Variants in EYS observed in about 807,000 individuals in gnomAD.
EYS encodes protein eyes shut homolog.
Under a neutral mutation model 282.1 loss-of-function variants are expected in EYS, and 250 were observed. The ratio of observed to expected loss-of-function variants is 0.89; its 90% CI spans 0.80 to 0.98. EYS has a LOEUF of 0.98. Ranked by LOEUF, EYS falls within the 50% of genes least tolerant of loss-of-function variation. EYS has a pLI of 0.00. For synonymous variants in EYS, 1,355 were observed against 1,282.9 expected (o/e 1.06, Z -1.20); for missense variants, 4,016 against 3,709.0 (o/e 1.08, Z -2.15).
chr6:64,344,126 G>A (rs1378719327), intron 29 of EYS, among the ~76,000 whole-genome samples: 1 of 152,114 alleles, frequency 6.6e-6, no homozygotes, highest in Admixed American at 6.5e-5. Context: ...TCTACCAGAG[G>A]TATAAGGAGG....
intron 1 of EYS, among the ~76,000 whole-genome samples, chr6:65,677,899 T>C (rs1240731511): frequency 6.6e-6 from 1 of 152,040 alleles, no homozygotes; most frequent in East Asian, 1.9e-4. Context: ...GCACATATAG[T>C]CAACTGATCT....
chr6:65,400,427 C>T (rs1353478541), intron 7 of EYS, among the ~76,000 whole-genome samples: 4 of 151,826 alleles, frequency 2.6e-5, no homozygotes, highest in South Asian at 2.1e-4. Flanking sequence ...TTTTCCTTTC[C>T]TATCAGACTC....
chr6:64,269,611 G>A (rs1767873801), intron 30 of EYS, among the ~76,000 whole-genome samples: 2 of 151,870 alleles, frequency 1.3e-5, no homozygotes, highest in African/African-American at 4.8e-5. Context: ...TTAGCAAATT[G>A]ATACATTAGA....
intron 36 of EYS, among the ~76,000 whole-genome samples, chr6:63,849,828 A>G (rs1038786804): frequency 5.9e-5 from 9 of 152,182 alleles, no homozygotes; most frequent in Admixed American, 2.6e-4. Context: ...AGAATGAGTT[A>G]CACAAATGGA....
At chr6:64,481,317 A>G (rs1776431180) in intron 26 of EYS, among the ~76,000 whole-genome samples, 1 of 149,018 alleles carries the variant, frequency 6.7e-6, no homozygotes, top group African/African-American at 2.4e-5. Flanking sequence ...GCATAGAAAA[A>G]GCATTTTCAG....
At chr6:65,688,315 A>C (rs946112122) in intron 1 of EYS, among the ~76,000 whole-genome samples, 1 of 150,462 alleles carries the variant, frequency 6.6e-6, no homozygotes, top group African/African-American at 2.4e-5. Context: ...CAAGGCTGAC[A>C]AAAACAAGAA....
chr6:64,606,674 A>G (rs907796013), intron 24 of EYS, among the ~76,000 whole-genome samples: 1 of 152,070 alleles, frequency 6.6e-6, no homozygotes, highest in African/African-American at 2.4e-5. Context: ...CTGTGGCAAT[A>G]CATATTTTCT....
intron 22 of EYS, among the ~76,000 whole-genome samples, chr6:64,749,849 G>T (rs1056451520): frequency 5.9e-5 from 9 of 151,966 alleles, no homozygotes; most frequent in African/African-American, 2.2e-4. Context: ...TTGAGTAACT[G>T]CTGGCATTTA....
rs140984730 is a variant in EYS, at chr6:65,377,106, T to C, written c.1299+7280A>G. Among the ~76,000 whole-genome samples, 991 of 152,140 alleles carry C rather than the reference T, an allele frequency of 6.5e-3. 18 individuals are homozygous for C. The highest frequency in any genetic ancestry group is 0.022 in the African/African-American group (925 of 41,504). ...GCATCACATAGCACTTACTCTAAAATCAACCACATAATTGGAAGTAAAACA... is the reference window on the plus strand; with the variant it reads ...GCATCACATAGCACTTACTCTAAAACCAACCACATAATTGGAAGTAAAACA... On this transcript the variant is annotated intron_variant, in intron 8 of 42. Transcript: ENST00000503581.
intron 11 of EYS, among the ~76,000 whole-genome samples, chr6:65,324,218 C>A (rs1449826891): frequency 2.0e-5 from 3 of 152,116 alleles, no homozygotes; most frequent in African/African-American, 4.8e-5. Context: ...TACCACCTGG[C>A]TTTTATTTGT....
intron 28 of EYS, among the ~76,000 whole-genome samples, chr6:64,393,114 G>A (rs1773215943): frequency 6.6e-6 from 1 of 152,114 alleles, no homozygotes; most frequent in South Asian, 2.1e-4. Context: ...ACCAATAGCA[G>A]GATCTGAAAT....
chr6:64,043,546 G>A (rs184842209), intron 33 of EYS, among the ~76,000 whole-genome samples: 28 of 152,282 alleles, frequency 1.8e-4, no homozygotes, highest in African/African-American at 4.1e-4. Context: ...GAGTCCTCTC[G>A]AACACCTAGA....
At chr6:64,674,999 G>T (rs1009263422) in intron 22 of EYS, among the ~76,000 whole-genome samples, 1 of 152,068 alleles carries the variant, frequency 6.6e-6, no homozygotes. Context: ...TGCTGAAATT[G>T]TCAATAACCC....
intron 13 of EYS, among the ~76,000 whole-genome samples, chr6:65,023,769 G>A (rs775072774): frequency 1.8e-4 from 28 of 152,196 alleles, no homozygotes; most frequent in Non-Finnish European, 3.4e-4. Context: ...AAGTATGCAC[G>A]TGTAGTGCAG....
chr6:65,559,851 C>G (rs574166487), intron 2 of EYS, among the ~76,000 whole-genome samples: 1 of 151,630 alleles, frequency 6.6e-6, no homozygotes, highest in East Asian at 1.9e-4. Flanking sequence ...TATATTTTAG[C>G]TTGTACCTTT....
At chr6:65,224,964 T>A (rs1766582262) in intron 12 of EYS, among the ~76,000 whole-genome samples, 2 of 152,092 alleles carry the variant, frequency 1.3e-5, no homozygotes, top group South Asian at 4.1e-4. Flanking sequence ...ATGGCCACAC[T>A]GACAAATTCT....
chr6:64,928,114 TA>T (rs1392878181), intron 15 of EYS, among the ~76,000 whole-genome samples: 1 of 152,026 alleles, frequency 6.6e-6, no homozygotes, highest in African/African-American at 2.4e-5. Context: ...GTAATCACAA[TA>T]AAAAATGTCC....
intron 26 of EYS, among the ~76,000 whole-genome samples, chr6:64,565,259 T>A (rs1174002393): frequency 6.6e-6 from 1 of 152,182 alleles, no homozygotes; most frequent in Non-Finnish European, 1.5e-5. Context: ...GAAATATCAC[T>A]ATCCAGACCA....
At chr6:64,151,361 A>ATATATATATG (rs1554212640) in intron 31 of EYS, among the ~76,000 whole-genome samples, 1 of 85,044 alleles carries the variant, frequency 1.2e-5, no homozygotes, top group African/African-American at 5.2e-5. Flanking sequence ...ATATATATAT[A>ATATATATATG]TAATTTTTTT....
Sources: allele counts gnomAD v4.1 joint callset (sites outside exome capture counted in the v4.1 genomes callset), GRCh38; gene constraint gnomAD v4.1.1; transcripts MANE v1.5; gene names NCBI Gene and HGNC (gene_info 2026-07-23, HGNC 2026-07-21).